Variants in CYRIB observed in about 807,000 individuals in gnomAD.
CYRIB encodes the protein CYFIP-related Rac1 interactor B.
Under a neutral mutation model 44.2 loss-of-function variants are expected in CYRIB, and 8 were observed. The observed-to-expected ratio is 0.18, with a 90% CI of 0.11 to 0.33. CYRIB has a LOEUF of 0.33. Ranked by LOEUF, CYRIB falls within the 10% of genes least tolerant of loss-of-function variation. The probability of loss-of-function intolerance (pLI) is 1.00; values close to 1 mark genes in which losing one functional copy is unlikely to be tolerated. For synonymous variants in CYRIB, 131 were observed against 127.2 expected (o/e 1.03, Z -0.20); for missense variants, 185 against 382.8 (o/e 0.48, Z 4.31).
chr8:129,994,899 T>C (rs929928931), intron 1 of CYRIB, among the ~76,000 whole-genome samples: 2 of 152,192 alleles, frequency 1.3e-5, no homozygotes, highest in African/African-American at 4.8e-5. Flanking sequence ...GCCTCAACTC[T>C]AAACAACCTC....
intron 1 of CYRIB, among the ~76,000 whole-genome samples, chr8:129,936,162 G>C (rs771815927): frequency 1.2e-4 from 19 of 152,122 alleles, no homozygotes; most frequent in Non-Finnish European, 2.5e-4. Flanking sequence ...TAAAATATAA[G>C]ACCTCAAATT....
intron 4 of CYRIB, chr8:129,864,887 C>A: frequency 2.6e-6 from 1 of 389,276 alleles, no homozygotes; most frequent in South Asian, 2.1e-5. Flanking sequence ...TAGAAGAAGT[C>A]CTGACACCCA....
intron 1 of CYRIB, among the ~76,000 whole-genome samples, chr8:129,906,528 G>A (rs556746581): frequency 8.5e-5 from 13 of 152,252 alleles, no homozygotes; most frequent in African/African-American, 2.6e-4. Context: ...ATACCATTCA[G>A]GACATAGGCA....
intron 5 of CYRIB, among the ~76,000 whole-genome samples, chr8:129,858,788 C>T (rs1171882288): frequency 6.6e-6 from 1 of 152,162 alleles, no homozygotes; most frequent in African/African-American, 2.4e-5. Flanking sequence ...TGAGGGGAGA[C>T]AAAGCAGTTT....
chr8:129,892,259 CA>C (rs1344425293), intron 2 of CYRIB, among the ~76,000 whole-genome samples: 1 of 152,110 alleles, frequency 6.6e-6, no homozygotes, highest in Non-Finnish European at 1.5e-5. Context: ...TGGAAATATG[CA>C]AAACAACTCA....
At chr8:129,917,577 G>A (rs1257745322) in intron 1 of CYRIB, among the ~76,000 whole-genome samples, 5 of 152,116 alleles carry the variant, frequency 3.3e-5, no homozygotes, top group Non-Finnish European at 5.9e-5. Flanking sequence ...AAATATCTTG[G>A]CCAGGTGCAG....
intron 1 of CYRIB, among the ~76,000 whole-genome samples, chr8:130,011,461 C>A (rs1028376135): frequency 6.6e-6 from 1 of 151,568 alleles, no homozygotes; most frequent in Non-Finnish European, 1.5e-5. Context: ...GCAGAGGTTG[C>A]GGTGAGCTGA....
intron 2 of CYRIB, 21 bp downstream of exon 4, chr8:129,903,291 T>G (rs543615626): frequency 6.5e-6 from 1 of 152,766 alleles, no homozygotes; most frequent in African/African-American, 2.4e-5. Context: ...GAATAATCAT[T>G]TCCCCCAAAG....
chr8:129,941,735 A>C (rs183706418), upstream of CYRIB, among the ~76,000 whole-genome samples: 70 of 152,206 alleles, frequency 4.6e-4, no homozygotes, highest in South Asian at 0.01. Context: ...TACATGTGCA[A>C]AGTCCCTTAG....
chr8:129,968,657 T>C (rs2095576448), intron 2 of CYRIB, among the ~76,000 whole-genome samples: 1 of 152,210 alleles, frequency 6.6e-6, no homozygotes, highest in Non-Finnish European at 1.5e-5. Flanking sequence ...GACCAGTTCT[T>C]ACGTTAATTT....
chr8:129,945,531 C>T lies in CYRIB; in HGVS notation c.-243+25412G>A, dbSNP rs188983273. The stretch of plus-strand genomic sequence containing the variant: ...GTTTTCTCCTTATGCTTTTTTGACT[C>T]CCACCACTGTACCTTGAGTTTCTTT... On this transcript the variant is annotated intron_variant, in intron 2 of 14. Transcript: ENST00000401979. Among the ~76,000 whole-genome samples the T allele has an allele frequency of 1.8e-3, 279 of 152,192 alleles. 3 individuals carry two copies. Among genetic ancestry groups the T allele is most frequent in the Admixed American group, 4.2e-3 (64 of 15,282 alleles).
At chr8:129,854,852 A>C (rs1314414761) in intron 6 of CYRIB, among the ~76,000 whole-genome samples, 1 of 152,160 alleles carries the variant, frequency 6.6e-6, no homozygotes, top group African/African-American at 2.4e-5. Context: ...GCAGAGTATA[A>C]ACTGGAACTC....
chr8:129,890,186 T>C lies in CYRIB; in HGVS notation c.-10-10715A>G, dbSNP rs536629577. Reference sequence around the variant, plus strand: ...CACTGGCAAGGTCTGAAAGTACTGCTTCCAATTTTGAAAGTTATACTGTGG... The same window carrying C: ...CACTGGCAAGGTCTGAAAGTACTGCCTCCAATTTTGAAAGTTATACTGTGG... On this transcript the variant is annotated intron_variant, in intron 2 of 11. Transcript: ENST00000519824. Among the ~76,000 whole-genome samples, 70 of 152,366 alleles carry C rather than the reference T, an allele frequency of 4.6e-4. No individual in the cohort carries two copies. The South Asian group carries it at 0.01, about 22-fold the overall frequency.
intron 1 of CYRIB, among the ~76,000 whole-genome samples, chr8:129,918,887 G>C (rs2082097844): frequency 6.6e-6 from 1 of 152,160 alleles, no homozygotes; most frequent in Admixed American, 6.5e-5. Flanking sequence ...GAGAGATAAG[G>C]AGAGGTCAAT....
intron 1 of CYRIB, among the ~76,000 whole-genome samples, chr8:130,015,982 G>C (rs1301578658): frequency 6.6e-6 from 1 of 151,896 alleles, no homozygotes; most frequent in Non-Finnish European, 1.5e-5. Context: ...ACCGACACCC[G>C]GCTCGCAGGA....
At chr8:129,957,678 A>T (rs1345625416) in intron 2 of CYRIB, among the ~76,000 whole-genome samples, 1 of 152,130 alleles carries the variant, frequency 6.6e-6, no homozygotes, top group African/African-American at 2.4e-5. Flanking sequence ...TAAAAATAAA[A>T]AAAATTGGCC....
intron 2 of CYRIB, chr8:129,896,564 C>G (rs2068163375): frequency 6.6e-6 from 1 of 150,408 alleles, no homozygotes; most frequent in Admixed American, 6.7e-5. Flanking sequence ...TCCTGATGAC[C>G]AACAGTCATC....
At chr8:129,989,785 C>T in intron 1 of CYRIB, among the ~76,000 whole-genome samples, 1 of 106,178 alleles carries the variant, frequency 9.4e-6, no homozygotes, top group African/African-American at 3.6e-5. Context: ...CTAATGCTAT[C>T]CCTCCCCCCT....
At chr8:130,003,955 A>T (rs1483410192) in intron 1 of CYRIB, among the ~76,000 whole-genome samples, 1 of 152,218 alleles carries the variant, frequency 6.6e-6, no homozygotes, top group African/African-American at 2.4e-5. Context: ...AGGAACAATG[A>T]CAAAGTCAGA....
Sources: gnomAD v4.1 joint callset for allele counts (sites outside exome capture counted in the v4.1 genomes callset) on GRCh38, gnomAD v4.1.1 for gene constraint, MANE v1.5 for transcripts, NCBI Gene and HGNC (gene_info 2026-07-23, HGNC 2026-07-21) for gene names.